Variants in STK3 observed in about 807,000 individuals in gnomAD.
STK3 encodes serine/threonine kinase 3.
STK3 carries 41 observed loss-of-function variants against 58.0 expected under a neutral mutation model. That is an observed-to-expected ratio of 0.71 (90% CI 0.55 to 0.92). The LOEUF is 0.92. Ranked by LOEUF, STK3 falls within the 40% of genes least tolerant of loss-of-function variation. STK3 has a pLI of 0.00. For missense variants in STK3, 479 were observed against 602.7 expected (o/e 0.79, Z 2.15); for synonymous variants, 170 against 191.0 (o/e 0.89, Z 0.91).
intron 10 of STK3, among the ~76,000 whole-genome samples, chr8:98,510,265 C>T (rs1824405477): frequency 6.6e-6 from 1 of 152,032 alleles, no homozygotes; most frequent in Non-Finnish European, 1.5e-5. Flanking sequence ...ATGCCTAATC[C>T]AGAGGCATGC....
chr8:98,583,845 ATGTGTGTGTGTGTG>A (rs529496460), intron 7 of STK3, among the ~76,000 whole-genome samples: 2 of 144,666 alleles, frequency 1.4e-5, no homozygotes, highest in Admixed American at 6.9e-5. Flanking sequence ...GAGAGAGTGT[ATGTGTGTGTGTGTG>A]TGTGTGTGTG....
At chr8:98,765,928 T>G (rs1830917238) in intron 3 of STK3, among the ~76,000 whole-genome samples, 1 of 152,222 alleles carries the variant, frequency 6.6e-6, no homozygotes, top group Non-Finnish European at 1.5e-5. Flanking sequence ...ATCAGCTCCA[T>G]TTAACTATCC....
chr8:98,347,409 G>A, the STK3 span, among the ~76,000 whole-genome samples: 1 of 151,700 alleles, frequency 6.6e-6, no homozygotes, highest in Non-Finnish European at 1.5e-5. Flanking sequence ...CAGCTACTCG[G>A]GAGGCTGAGG....
chr8:98,655,828 A>G (rs1023774044), intron 6 of STK3, among the ~76,000 whole-genome samples: 12 of 152,316 alleles, frequency 7.9e-5, no homozygotes, highest in Middle Eastern at 3.4e-3. Context: ...TTAAAAAGTC[A>G]GGAAACAACA....
chr8:98,522,563 A>T (rs892712265), intron 10 of STK3, among the ~76,000 whole-genome samples: 2 of 152,190 alleles, frequency 1.3e-5, no homozygotes, highest in Non-Finnish European at 2.9e-5. Flanking sequence ...AAAAAAATGC[A>T]TAACACAAAA....
At chr8:98,609,804 C>CAA (rs1337585021) in intron 6 of STK3, among the ~76,000 whole-genome samples, 1 of 151,622 alleles carries the variant, frequency 6.6e-6, no homozygotes, top group African/African-American at 2.4e-5. Context: ...ACTAAAAATA[C>CAA]AAAAAATTAA....
intron 1 of STK3, among the ~76,000 whole-genome samples, chr8:98,780,189 A>G (rs1337429483): frequency 2.0e-5 from 3 of 151,648 alleles, no homozygotes; most frequent in Non-Finnish European, 2.9e-5. Context: ...TTATATAAAT[A>G]TATATACATA....
chr8:98,883,507 G>A (rs1326447571), downstream of STK3: 1 of 581,678 alleles, frequency 1.7e-6, no homozygotes, highest in Admixed American at 2.9e-5. Flanking sequence ...TATTACTGAA[G>A]TCCTTTGTTT....
rs1587120810 is a variant in STK3, at chr8:98,639,737, GT to G, written c.685-43569del. On this transcript the variant is annotated intron_variant, in intron 6 of 10. Coordinates refer to ENST00000419617, the MANE Select transcript of STK3 (RefSeq NM_006281.4). ...TGTTACCTTTCATATCTTTTTAAGT[GT>G]TTTTCCATGTTAACGTGAAGGTGTG... Among the ~76,000 whole-genome samples, 4 of 152,254 alleles carry G rather than the reference GT, an allele frequency of 2.6e-5. No individual in the cohort carries two copies. The East Asian group carries it at 5.8e-4, about 22-fold the overall frequency.
chr8:98,830,283 A>T (rs1402495500), upstream of STK3, among the ~76,000 whole-genome samples: 1 of 152,116 alleles, frequency 6.6e-6, no homozygotes, highest in Non-Finnish European at 1.5e-5. Context: ...AAATTCAGGT[A>T]GGATGGCAAA....
intron 4 of STK3, among the ~76,000 whole-genome samples, chr8:98,723,125 T>C (rs1427410084): frequency 6.6e-6 from 1 of 152,174 alleles, no homozygotes; most frequent in African/African-American, 2.4e-5. Flanking sequence ...GCGATGTCAT[T>C]TTTAAATCCT....
At chr8:98,758,693 T>A (rs1390140514) in intron 3 of STK3, among the ~76,000 whole-genome samples, 1 of 152,216 alleles carries the variant, frequency 6.6e-6, no homozygotes, top group East Asian at 1.9e-4. Flanking sequence ...AAGTCCTAGA[T>A]GGCATCTCCT....
At chr8:98,563,619 G>T (rs1368545498) in intron 8 of STK3, among the ~76,000 whole-genome samples, 1 of 151,948 alleles carries the variant, frequency 6.6e-6, no homozygotes, top group Non-Finnish European at 1.5e-5. Context: ...TACTGGAACA[G>T]GAAATATACA....
At chr8:98,637,935 T>TA (rs1365222053) in intron 6 of STK3, among the ~76,000 whole-genome samples, 3 of 152,134 alleles carry the variant, frequency 2.0e-5, no homozygotes, top group Non-Finnish European at 2.9e-5. Context: ...TTAAATATCT[T>TA]ATTAGGTGTT....
chr8:98,773,217 T>G (rs1409064299), intron 2 of STK3, among the ~76,000 whole-genome samples: 2 of 152,166 alleles, frequency 1.3e-5, no homozygotes, highest in Non-Finnish European at 2.9e-5. Flanking sequence ...CTAAAAGAGA[T>G]ACATTGAAAT....
intron 6 of STK3, among the ~76,000 whole-genome samples, chr8:98,649,299 T>C (rs1587148806): frequency 6.6e-6 from 1 of 152,172 alleles, no homozygotes; most frequent in East Asian, 1.9e-4. Flanking sequence ...CGCTTATCTA[T>C]TGAGTTTGCT....
At chr8:98,894,367 G>T (rs1046439694) in intron 1 of STK3, among the ~76,000 whole-genome samples, 4 of 152,156 alleles carry the variant, frequency 2.6e-5, no homozygotes, top group African/African-American at 9.7e-5. Flanking sequence ...AGCCACAGCT[G>T]CAACATCCTA....
chr8:98,747,423 T>C (rs964617626), intron 4 of STK3, among the ~76,000 whole-genome samples: 2 of 152,172 alleles, frequency 1.3e-5, no homozygotes, highest in African/African-American at 4.8e-5. Context: ...GAGTGAGTTT[T>C]ACACCTGTTT....
rs200101579 is a variant in STK3, at chr8:98,443,002, A to AC, written n.186-5795_186-5794insG. 2.6e-4 allele frequency among the ~76,000 whole-genome samples: 39 copies of AC among 151,900 alleles called. 3 individuals carry two copies. In the East Asian group the frequency reaches 7.1e-3, roughly 28 times the overall value. The stretch of plus-strand genomic sequence containing the variant: ...GGCTCTTAGCTAAAGCAAAAAAAAA[A>AC]AACAACAAAAAACCCAGACTCTGTT... On this transcript the variant is annotated intron_variant and non_coding_transcript_variant, in intron 1 of 3. Coordinates refer to the STK3 transcript ENST00000517832.
Sources: gnomAD v4.1 joint callset for allele counts (sites outside exome capture counted in the v4.1 genomes callset) on GRCh38, gnomAD v4.1.1 for gene constraint, MANE v1.5 for transcripts, NCBI Gene and HGNC (gene_info 2026-07-23, HGNC 2026-07-21) for gene names.